Variants in DEFB1 observed in about 807,000 individuals in gnomAD.
The protein encoded by DEFB1 is beta-defensin 1.
Under a neutral mutation model 2.6 loss-of-function variants are expected in DEFB1, and 4 were observed. The observed-to-expected ratio is 1.53, with a 90% CI of 0.76 to 3.51. The LOEUF (loss-of-function observed/expected upper bound fraction) is 3.51, where lower values mean the gene tolerates loss of function less well. Among genes scored for constraint, DEFB1 ranks in the 30% most tolerant of loss-of-function variants. The pLI, the probability that DEFB1 is intolerant of heterozygous loss-of-function variation, is 0.01. For missense variants in DEFB1, 162 were observed against 76.9 expected (o/e 2.11, Z -4.14); for synonymous variants, 56 against 28.5 (o/e 1.96, Z -3.07).
chr8:6,876,053 C>T (rs1006010119), intron 1 of DEFB1, among the ~76,000 whole-genome samples: 7 of 152,240 alleles, frequency 4.6e-5, no homozygotes, highest in African/African-American at 1.7e-4. Context: ...TTGGACTGAA[C>T]CACCATCAGA....
At chr8:6,876,509 C>T (rs184911375) in intron 1 of DEFB1, among the ~76,000 whole-genome samples, 116 of 151,630 alleles carry the variant, frequency 7.7e-4, no homozygotes, top group African/African-American at 2.4e-3. Flanking sequence ...CAAAAAAACA[C>T]GGTAGGCTGA....
In DEFB1 at chr8:6,870,793, G is replaced by A; in HGVS notation, c.95C>T (p.Ser32Phe). ...ACTGCTGACGCAATTGTAATGATCAGATCTGTGGCCAAGGCCTGTGAGAAA... is the reference window on the plus strand; with the variant it reads ...ACTGCTGACGCAATTGTAATGATCAAATCTGTGGCCAAGGCCTGTGAGAAA... The part of the protein sequence containing the change: ...GNFLTGLGHR[S>F]DHYNCVSSGG... The change falls in exon 2 of 2, where the codon TCT (serine) becomes TTT (phenylalanine). Residue 32 changes from serine (S) to phenylalanine (F), a missense_variant. By Grantham distance (155) the Ser-to-Phe change is radical. Transcript: ENST00000297439. The A allele has an allele frequency of 6.2e-7, 1 of 1,614,096 alleles. No homozygotes were observed. Among genetic ancestry groups the A allele is most frequent in the East Asian group, 2.2e-5 (1 of 44,888 alleles).
At chr8:6,873,221 C>T (rs1255108510) in intron 1 of DEFB1, among the ~76,000 whole-genome samples, 1 of 152,204 alleles carries the variant, frequency 6.6e-6, no homozygotes, top group African/African-American at 2.4e-5. Flanking sequence ...GAGCATGTAG[C>T]TGGTCAAAGA....
At chr8:6,871,785 C>T (rs753861073) in intron 1 of DEFB1, among the ~76,000 whole-genome samples, 1 of 152,206 alleles carries the variant, frequency 6.6e-6, no homozygotes, top group Non-Finnish European at 1.5e-5. Flanking sequence ...GGACAGACAC[C>T]TGAGAAGAAG....
At chr8:6,871,840 C>G (rs1341089146) in intron 1 of DEFB1, among the ~76,000 whole-genome samples, 1 of 152,182 alleles carries the variant, frequency 6.6e-6, no homozygotes, top group African/African-American at 2.4e-5. Flanking sequence ...GCCTCCAGGA[C>G]TGCGAGGAAA....
intron 1 of DEFB1, among the ~76,000 whole-genome samples, chr8:6,871,275 C>T (rs907994720): frequency 2.0e-5 from 3 of 152,156 alleles, no homozygotes; most frequent in African/African-American, 7.2e-5. Context: ...AATCCCGGCC[C>T]CCTCACTTCC....
chr8:6,873,645 G>A (rs373126329), intron 1 of DEFB1, among the ~76,000 whole-genome samples: 8 of 152,126 alleles, frequency 5.3e-5, no homozygotes, highest in East Asian at 3.9e-4. Context: ...ATAAGTGGGG[G>A]CTAAACACTG....
rs148577927 is a variant in DEFB1, at chr8:6,870,722, G to A, written c.166C>T (p.Gln56Ter). The A allele has an allele frequency of 1.9e-6, 3 of 1,614,096 alleles. No homozygotes were observed. The African/African-American group carries it at 4.0e-5, about 22-fold the overall frequency. Residue 56 changes from glutamine (Q) to a stop codon, truncating the protein, a stop_gained, in exon 2 of 2, where the codon CAA (glutamine) becomes TAA (stop). Transcript: ENST00000297439. LOFTEE classifies it high-confidence loss of function. ...GCCTTCCCTCTGTAACAGGTGCCTTGAATTTTGGTAAAGATCGGGCAGGCA... is the reference window on the plus strand; with the variant it reads ...GCCTTCCCTCTGTAACAGGTGCCTTAAATTTTGGTAAAGATCGGGCAGGCA... The part of the protein sequence containing the change: ...YSACPIFTKI[Q>*]GTCYRGKAKC...
At chr8:6,874,126 C>A (rs974212630) in intron 1 of DEFB1, among the ~76,000 whole-genome samples, 1 of 97,198 alleles carries the variant, frequency 1.0e-5, no homozygotes, top group African/African-American at 4.2e-5. Context: ...CATACACACA[C>A]ACACACACAC....
chr8:6,873,522 C>A (rs1228258600), intron 1 of DEFB1, among the ~76,000 whole-genome samples: 1 of 152,150 alleles, frequency 6.6e-6, no homozygotes, highest in Non-Finnish European at 1.5e-5. Flanking sequence ...GACTACGCAG[C>A]CATAAAAAAG....
chr8:6,876,284 G>A (rs186853100), intron 1 of DEFB1, among the ~76,000 whole-genome samples: 31 of 152,230 alleles, frequency 2.0e-4, no homozygotes, highest in African/African-American at 6.7e-4. Flanking sequence ...AGACCAGCAT[G>A]ACCAGCATGG....
At chr8:6,872,705 A>C (rs1432028279) in intron 1 of DEFB1, among the ~76,000 whole-genome samples, 2 of 152,226 alleles carry the variant, frequency 1.3e-5, no homozygotes, top group African/African-American at 4.8e-5. Flanking sequence ...TACAAAACAC[A>C]GTCTCTTGAT....
chr8:6,875,727 A>T (rs1360623451), intron 1 of DEFB1, among the ~76,000 whole-genome samples: 2 of 152,252 alleles, frequency 1.3e-5, no homozygotes, highest in African/African-American at 4.8e-5. Flanking sequence ...ACAATTGAAT[A>T]TATGCATAGC....
At chr8:6,874,950 A>G (rs977102850) in intron 1 of DEFB1, among the ~76,000 whole-genome samples, 1 of 151,216 alleles carries the variant, frequency 6.6e-6, no homozygotes, top group Non-Finnish European at 1.5e-5. Flanking sequence ...CCACTGCACT[A>G]CAGCCTGGGT....
chr8:6,872,980 G>C (rs144317585), intron 1 of DEFB1, among the ~76,000 whole-genome samples: 1 of 152,148 alleles, frequency 6.6e-6, no homozygotes, highest in Admixed American at 6.5e-5. Flanking sequence ...GATCAACTGA[G>C]CATATAAATT....
At chr8:6,877,669 A>T (rs1173963576) in intron 1 of DEFB1, 128 bp downstream of exon 1, 2 of 836,336 alleles carry the variant, frequency 2.4e-6, no homozygotes, top group Non-Finnish European at 3.8e-6. Flanking sequence ...AGGCCACTCA[A>T]CCACGGGATG....
chr8:6,876,077 C>A (rs1400242002), intron 1 of DEFB1, among the ~76,000 whole-genome samples: 1 of 152,168 alleles, frequency 6.6e-6, no homozygotes. Context: ...AAATTTCTCA[C>A]TGCTACTCAG....
chr8:6,872,904 G>C (rs182462098), intron 1 of DEFB1, among the ~76,000 whole-genome samples: 31 of 152,310 alleles, frequency 2.0e-4, no homozygotes, highest in African/African-American at 6.7e-4. Flanking sequence ...GATACTTAGA[G>C]GATGCCTACT....
intron 1 of DEFB1, among the ~76,000 whole-genome samples, chr8:6,877,441 G>A (rs980506310): frequency 1.4e-4 from 21 of 152,208 alleles, no homozygotes; most frequent in African/African-American, 4.1e-4. Context: ...GGATGGGGCC[G>A]GCCCCTCTCT....
Sources: gnomAD v4.1 joint callset for allele counts (sites outside exome capture counted in the v4.1 genomes callset) on GRCh38, gnomAD v4.1.1 for gene constraint, MANE v1.5 for transcripts, NCBI Gene and HGNC (gene_info 2026-07-23, HGNC 2026-07-21) for gene names.